Variants in GUCY1A2 observed in about 807,000 individuals in gnomAD.
GUCY1A2 encodes the protein guanylate cyclase soluble subunit alpha-2.
A neutral mutation model predicts 63.5 loss-of-function variants in GUCY1A2; 27 were observed. The ratio of observed to expected loss-of-function variants is 0.43; its 90% confidence interval spans 0.31 to 0.59. GUCY1A2 has a LOEUF of 0.59. Ranked by LOEUF, GUCY1A2 falls within the 20% of genes least tolerant of loss-of-function variation. The pLI is 0.11. For synonymous variants in GUCY1A2, 364 were observed against 343.5 expected (o/e 1.06, Z -0.66); for missense variants, 768 against 913.3 (o/e 0.84, Z 2.05).
Position 106,939,909 on chromosome 11 carries a change from T to A in GUCY1A2, c.757A>T (p.Met253Leu), listed in dbSNP as rs1319048242. 3 of 1,614,046 alleles carry A rather than the reference T, an allele frequency of 1.9e-6. No individual in the cohort carries two copies. Among genetic ancestry groups the A allele is most frequent in the Non-Finnish European group, 2.5e-6 (3 of 1,180,002 alleles). The change falls in exon 4 of 8, where the codon ATG (methionine) becomes TTG (leucine). Residue 253 changes from methionine to leucine, a missense_variant. Transcript: ENST00000526355. ...ATCTTCTTTCCTGCAGCCTTAATCA[T>A]CCCCAGCATTGCAAACCCCACAATA... ...HHIVGFAMLG[M>L]IKAAGKKIYR...
At chr11:107,006,317 G>GAA (rs1861670855) in intron 1 of GUCY1A2, among the ~76,000 whole-genome samples, 1 of 152,202 alleles carries the variant, frequency 6.6e-6, no homozygotes, top group African/African-American at 2.4e-5. Context: ...ATTTACTCTT[G>GAA]AGTGAGAGAT....
At chr11:106,934,389 C>A (rs1860646947) in intron 4 of GUCY1A2, among the ~76,000 whole-genome samples, 1 of 152,162 alleles carries the variant, frequency 6.6e-6, no homozygotes, top group Non-Finnish European at 1.5e-5. Context: ...CTCACACTTT[C>A]TCAAATTAAA....
At chr11:106,812,605 GTGTA>G (rs147763967) in intron 4 of GUCY1A2, among the ~76,000 whole-genome samples, 3 of 151,740 alleles carry the variant, frequency 2.0e-5, no homozygotes, top group African/African-American at 4.8e-5. Context: ...TGTGGAATTA[GTGTA>G]TGTATGTATG....
intron 4 of GUCY1A2, among the ~76,000 whole-genome samples, chr11:106,887,725 G>C (rs537261813): frequency 6.6e-6 from 1 of 152,060 alleles, no homozygotes; most frequent in Non-Finnish European, 1.5e-5. Flanking sequence ...TGTTTACAAC[G>C]GCAGCTGCTA....
intron 4 of GUCY1A2, among the ~76,000 whole-genome samples, chr11:106,852,864 T>C (rs893070912): frequency 6.6e-6 from 1 of 152,168 alleles, no homozygotes; most frequent in Non-Finnish European, 1.5e-5. Context: ...TCTCTGGAGT[T>C]GTTTTGACAG....
chr11:106,909,680 T>A (rs1199606321), intron 4 of GUCY1A2, among the ~76,000 whole-genome samples: 1 of 151,952 alleles, frequency 6.6e-6, no homozygotes, highest in Non-Finnish European at 1.5e-5. Context: ...TTTGCATGCA[T>A]CAATAGCTCC....
chr11:106,884,330 C>T (rs1859868572), intron 4 of GUCY1A2, among the ~76,000 whole-genome samples: 4 of 152,030 alleles, frequency 2.6e-5, no homozygotes, highest in African/African-American at 9.7e-5. Context: ...TGTCAAAAAC[C>T]AATTAACTTG....
chr11:106,873,275 G>A (rs1039658320), intron 4 of GUCY1A2, among the ~76,000 whole-genome samples: 1 of 152,066 alleles, frequency 6.6e-6, no homozygotes, highest in Non-Finnish European at 1.5e-5. Flanking sequence ...ATTCCTTTGG[G>A]TATATACCCA....
intron 1 of GUCY1A2, among the ~76,000 whole-genome samples, chr11:106,997,527 C>G (rs1338526121): frequency 6.6e-6 from 1 of 151,968 alleles, no homozygotes; most frequent in Non-Finnish European, 1.5e-5. Context: ...AACTAAACAA[C>G]TGGTAAGAGG....
At chr11:106,926,476 AT>A (rs1422806425) in intron 4 of GUCY1A2, among the ~76,000 whole-genome samples, 1 of 151,012 alleles carries the variant, frequency 6.6e-6, no homozygotes, top group African/African-American at 2.4e-5. Context: ...TTATGAGACC[AT>A]TTTTCCACCT....
chr11:106,749,862 T>C (rs1388571768), intron 6 of GUCY1A2, among the ~76,000 whole-genome samples: 1 of 152,008 alleles, frequency 6.6e-6, no homozygotes, highest in Non-Finnish European at 1.5e-5. Flanking sequence ...CACCATTATA[T>C]CATGTAAACA....
At chr11:106,803,493 C>G (rs993361083) in intron 5 of GUCY1A2, among the ~76,000 whole-genome samples, 1 of 152,068 alleles carries the variant, frequency 6.6e-6, no homozygotes, top group Non-Finnish European at 1.5e-5. Flanking sequence ...GTTGGATACA[C>G]AATGTTTATG....
chr11:106,739,853 C>T (rs1439401314), intron 6 of GUCY1A2, among the ~76,000 whole-genome samples: 1 of 152,098 alleles, frequency 6.6e-6, no homozygotes, highest in Non-Finnish European at 1.5e-5. Context: ...TGGAGTTAAG[C>T]ATGGGTACAG....
chr11:106,798,194 C>A (rs943440220), intron 5 of GUCY1A2, among the ~76,000 whole-genome samples: 89 of 152,122 alleles, frequency 5.9e-4, no homozygotes, highest in Non-Finnish European at 1.6e-4. Context: ...GACACATACA[C>A]CCTCCCAAGA....
At chr11:106,957,245 C>T (rs1297545879) in intron 3 of GUCY1A2, among the ~76,000 whole-genome samples, 4 of 151,994 alleles carry the variant, frequency 2.6e-5, no homozygotes, top group Non-Finnish European at 5.9e-5. Context: ...GACTCTTGCC[C>T]CTCCCCCCAG....
chr11:107,012,342 GAGAAAAAA>G (rs1375229131), intron 1 of GUCY1A2, among the ~76,000 whole-genome samples: 1 of 144,936 alleles, frequency 6.9e-6, no homozygotes, highest in Non-Finnish European at 1.5e-5. Context: ...GTGAATTATT[GAGAAAAAA>G]AGAAAATGAA....
chr11:107,015,064 G>C (rs1861801496), intron 1 of GUCY1A2, among the ~76,000 whole-genome samples: 1 of 152,100 alleles, frequency 6.6e-6, no homozygotes, highest in African/African-American at 2.4e-5. Flanking sequence ...ATAAGGTAAG[G>C]ACTGCCCAGA....
chr11:106,964,054 T>TACACACAC (rs150379221), intron 3 of GUCY1A2, among the ~76,000 whole-genome samples: 1 of 149,576 alleles, frequency 6.7e-6, no homozygotes, highest in Admixed American at 6.7e-5. Context: ...CATACACACG[T>TACACACAC]ATACACACAC....
At chr11:106,972,981 T>C (rs1861215367) in intron 3 of GUCY1A2, among the ~76,000 whole-genome samples, 1 of 152,112 alleles carries the variant, frequency 6.6e-6, no homozygotes, top group South Asian at 2.1e-4. Flanking sequence ...TATTATAGTG[T>C]TTATCCTTTA....
Sources: allele counts gnomAD v4.1 joint callset (sites outside exome capture counted in the v4.1 genomes callset), GRCh38; gene constraint gnomAD v4.1.1; transcripts MANE v1.5; gene names NCBI Gene and HGNC (gene_info 2026-07-23, HGNC 2026-07-21).